THSD4: variants seen among roughly 807,000 people sequenced by gnomAD.
THSD4 encodes thrombospondin type 1 domain containing 4, also known as thrombospondin type-1 domain-containing protein 4.
Under a neutral mutation model 119.0 loss-of-function variants are expected in THSD4, and 69 were observed. The observed-to-expected ratio is 0.58, with a 90% CI of 0.48 to 0.71. The LOEUF (loss-of-function observed/expected upper bound fraction) is 0.71. Ranked by LOEUF, THSD4 falls within the 30% of genes least tolerant of loss-of-function variation. The probability of loss-of-function intolerance (pLI) is 0.00; values close to 1 mark genes in which losing one functional copy is unlikely to be tolerated. For synonymous variants in THSD4, 524 were observed against 540.4 expected (o/e 0.97, Z 0.42); for missense variants, 1,393 against 1,391.1 (o/e 1.00, Z -0.02).
At chr15:71,742,367 G>C (rs558415992) in intron 11 of THSD4, among the ~76,000 whole-genome samples, 25 of 152,274 alleles carry the variant, frequency 1.6e-4, no homozygotes, top group African/African-American at 5.3e-4. Context: ...TTGATTCCTA[G>C]AGTTCCAAGT....
chr15:71,643,639 T>C lies in THSD4; in HGVS notation c.1153-16891T>C, dbSNP rs1190472308. Among the ~76,000 whole-genome samples, 5 of 152,330 alleles carry C rather than the reference T, an allele frequency of 3.3e-5. No individual in the cohort carries two copies. In the East Asian group the frequency reaches 9.6e-4, roughly 29 times the overall value. ...ATCCATGTTCCTGCAAAGGACATGA[T>C]CTTGTTCTTTAGTATAAATTAATTT... On this transcript the variant is annotated intron_variant, in intron 7 of 17. Transcript: ENST00000261862.
chr15:71,607,616 C>T (rs1429277575), intron 7 of THSD4, among the ~76,000 whole-genome samples: 1 of 152,160 alleles, frequency 6.6e-6, no homozygotes, highest in Non-Finnish European at 1.5e-5. Flanking sequence ...CAGAGCCTTA[C>T]CCAACCCCCA....
chr15:71,131,583 C>T (rs906069978), intron 1 of THSD4, among the ~76,000 whole-genome samples: 1 of 152,024 alleles, frequency 6.6e-6, no homozygotes, highest in Admixed American at 6.5e-5. Context: ...AAATGAAAAT[C>T]GATTCCAACT....
chr15:71,388,022 A>G (rs1157781899), intron 6 of THSD4, among the ~76,000 whole-genome samples: 1 of 152,224 alleles, frequency 6.6e-6, no homozygotes, highest in Non-Finnish European at 1.5e-5. Flanking sequence ...GGCCATCAAC[A>G]GTTAACTGCT....
At chr15:71,389,959 C>T (rs1486605279) in intron 6 of THSD4, among the ~76,000 whole-genome samples, 1 of 151,874 alleles carries the variant, frequency 6.6e-6, no homozygotes, top group Non-Finnish European at 1.5e-5. Flanking sequence ...CGCCCACCAC[C>T]ACACCCAGCT....
chr15:71,724,384 C>T (rs1224653181), intron 8 of THSD4, among the ~76,000 whole-genome samples: 1 of 150,348 alleles, frequency 6.7e-6, no homozygotes, highest in Non-Finnish European at 1.5e-5. Context: ...CTCCTGGGTT[C>T]ACGCCATTCT....
At chr15:71,387,059 C>G (rs530238207) in intron 6 of THSD4, among the ~76,000 whole-genome samples, 1 of 152,126 alleles carries the variant, frequency 6.6e-6, no homozygotes, top group Non-Finnish European at 1.5e-5. Flanking sequence ...GATTCCTTTG[C>G]AGCCTATGGG....
chr15:71,518,040 G>T (rs1027046291), intron 7 of THSD4, among the ~76,000 whole-genome samples: 1 of 152,174 alleles, frequency 6.6e-6, no homozygotes, highest in African/African-American at 2.4e-5. Flanking sequence ...ATTATCCAGA[G>T]ATTCCAAAAG....
At chr15:71,392,806 C>A (rs1472781136) in intron 6 of THSD4, among the ~76,000 whole-genome samples, 1 of 152,314 alleles carries the variant, frequency 6.6e-6, no homozygotes, top group South Asian at 2.1e-4. Flanking sequence ...TCTGTACACA[C>A]CCTTTGTTCT....
At chr15:71,651,418 C>G (rs1449700471) in intron 7 of THSD4, among the ~76,000 whole-genome samples, 1 of 152,198 alleles carries the variant, frequency 6.6e-6, no homozygotes, top group African/African-American at 2.4e-5. Context: ...TTCAGCCTGC[C>G]ATTTCCCACT....
intron 6 of THSD4, among the ~76,000 whole-genome samples, chr15:71,373,704 C>T (rs2046091641): frequency 1.3e-5 from 2 of 152,184 alleles, no homozygotes; most frequent in South Asian, 4.1e-4. Context: ...TCTCCATGAG[C>T]TACAAGGGTC....
Position 71,714,339 on chromosome 15 carries a change from T to C in THSD4, c.1358-14210T>C, listed in dbSNP as rs1595884472. ...AGCACCTAAAACAGTGCCTGACACATAGTAGGTGCTAAACTACTCTTTGTT... is the reference window on the plus strand; with the variant it reads ...AGCACCTAAAACAGTGCCTGACACACAGTAGGTGCTAAACTACTCTTTGTT... On this transcript the variant is annotated intron_variant, in intron 8 of 17. Coordinates refer to ENST00000261862, the MANE Select transcript of THSD4 (RefSeq NM_024817.3). Among the ~76,000 whole-genome samples, 4 of 152,282 alleles carry C rather than the reference T, an allele frequency of 2.6e-5. No homozygotes were observed. The South Asian group carries it at 8.3e-4, about 32-fold the overall frequency.
intron 4 of THSD4, among the ~76,000 whole-genome samples, chr15:71,227,166 C>A (rs1171350948): frequency 6.6e-6 from 1 of 152,222 alleles, no homozygotes; most frequent in Non-Finnish European, 1.5e-5. Context: ...ACTCTGATCT[C>A]AGACAAGGCT....
intron 7 of THSD4, among the ~76,000 whole-genome samples, chr15:71,533,896 A>G (rs1293943427): frequency 6.6e-6 from 1 of 152,204 alleles, no homozygotes; most frequent in Non-Finnish European, 1.5e-5. Context: ...TTGAACTAAA[A>G]TAACCCCAAT....
At position 71,370,697 on chromosome 15, in the gene THSD4, T is replaced by TC. The variant is rs1168239871; in HGVS notation, c.1016-40989dup. On this transcript the variant is annotated intron_variant, in intron 6 of 17. Coordinates refer to ENST00000261862, the MANE Select transcript of THSD4 (RefSeq NM_024817.3). ...TACATTTGCTGAGGAGTGCTTTACT[T>TC]CAACTATGTGGTCAATTTTAGAATA... 2.6e-5 allele frequency among the ~76,000 whole-genome samples: 4 copies of TC among 152,264 alleles called. No individual in the cohort carries two copies. In the South Asian group the frequency reaches 8.3e-4, roughly 32 times the overall value.
intron 7 of THSD4, among the ~76,000 whole-genome samples, chr15:71,462,990 A>G (rs1262940846): frequency 6.6e-6 from 1 of 152,196 alleles, no homozygotes; most frequent in Non-Finnish European, 1.5e-5. Flanking sequence ...GCTTTTTTGC[A>G]GCCATGTGAA....
intron 4 of THSD4, among the ~76,000 whole-genome samples, chr15:71,232,036 A>G (rs958564389): frequency 6.6e-6 from 1 of 152,080 alleles, no homozygotes; most frequent in African/African-American, 2.4e-5. Context: ...TCGAGGCTGC[A>G]CACTCCCTTC....
At chr15:71,770,957 C>A in intron 16 of THSD4, 107 bp from the exon 17 acceptor site, 2 of 1,498,302 alleles carry the variant, frequency 1.3e-6, no homozygotes, top group Non-Finnish European at 1.8e-6. Context: ...TTTTCATATT[C>A]TGTCTCCTTT....
chr15:71,401,737 C>T (rs747640428), intron 6 of THSD4, among the ~76,000 whole-genome samples: 3 of 152,152 alleles, frequency 2.0e-5, no homozygotes, highest in East Asian at 1.9e-4. Context: ...TTTGACCCAG[C>T]GATCCCATTA....
Sources: gnomAD v4.1 joint callset for allele counts (sites outside exome capture counted in the v4.1 genomes callset) on GRCh38, gnomAD v4.1.1 for gene constraint, MANE v1.5 for transcripts, NCBI Gene and HGNC (gene_info 2026-07-23, HGNC 2026-07-21) for gene names.